HFM1: variants seen among roughly 807,000 people sequenced by gnomAD.
HFM1 encodes the protein probable ATP-dependent DNA helicase HFM1.
In HFM1, 169 loss-of-function variants were observed where a neutral mutation model predicts 192.1. The observed-to-expected ratio is 0.88, with a 90% confidence interval of 0.78 to 1.00. The LOEUF (loss-of-function observed/expected upper bound fraction) is 1.00. Among genes scored for constraint, HFM1 ranks in the 50% least tolerant of loss-of-function variants. The pLI, the probability that HFM1 is intolerant of heterozygous loss-of-function variation, is 0.00. For synonymous variants in HFM1, 525 were observed against 537.8 expected (o/e 0.98, Z 0.33); for missense variants, 1,661 against 1,668.0 (o/e 1.00, Z 0.07).
intron 35 of HFM1, among the ~76,000 whole-genome samples, chr1:91,267,224 G>T (rs1570715994): frequency 6.6e-6 from 1 of 152,024 alleles, no homozygotes; most frequent in South Asian, 2.1e-4. Context: ...GATTTAAATA[G>T]AATTTCTAGT....
In HFM1 at chr1:91,291,998, A is replaced by G. The variant is rs1475029548; in HGVS notation, c.3392-14936T>C. Among the ~76,000 whole-genome samples, 5 of 152,322 alleles carry G rather than the reference A, an allele frequency of 3.3e-5. No individual in the cohort carries two copies. The East Asian group carries it at 9.7e-4, about 29-fold the overall frequency. ...CAGAAAAGGTCTTTGACAAAATTCA[A>G]CAACACTTCATGCTAAAAACTCTCA... On this transcript the variant is annotated intron_variant, in intron 30 of 38. Coordinates refer to ENST00000370425, the MANE Select transcript of HFM1 (RefSeq NM_001017975.6).
chr1:91,280,330 A>G (rs994199290), intron 30 of HFM1, among the ~76,000 whole-genome samples: 1 of 152,202 alleles, frequency 6.6e-6, no homozygotes, highest in Non-Finnish European at 1.5e-5. Flanking sequence ...CATTGGGGAA[A>G]CTGAAAGGTC....
At chr1:91,351,347 T>C (rs1156793817) in intron 17 of HFM1, among the ~76,000 whole-genome samples, 8 of 151,912 alleles carry the variant, frequency 5.3e-5, no homozygotes, top group African/African-American at 1.9e-4. Flanking sequence ...TGCCAAGAAA[T>C]ACCACTGAAT....
chr1:91,299,270 C>A (rs577320187), intron 30 of HFM1, among the ~76,000 whole-genome samples: 22 of 152,158 alleles, frequency 1.4e-4, no homozygotes, highest in Non-Finnish European at 3.1e-4. Flanking sequence ...ACAGGAGCAC[C>A]CAGATTCATA....
chr1:91,276,134 C>T (rs575647971), intron 32 of HFM1, among the ~76,000 whole-genome samples: 1 of 152,266 alleles, frequency 6.6e-6, no homozygotes, highest in East Asian at 1.9e-4. Context: ...ATTTAGCTAT[C>T]CCTTCCTACG....
chr1:91,382,000 A>C (rs1301936964), intron 6 of HFM1, among the ~76,000 whole-genome samples: 1 of 151,982 alleles, frequency 6.6e-6, no homozygotes, highest in Non-Finnish European at 1.5e-5. Context: ...CCCTCCCCGC[A>C]TCAGCCCCTG....
At chr1:91,363,407 C>CAT (rs33921503) in intron 13 of HFM1, among the ~76,000 whole-genome samples, 151,873 of 152,072 alleles carry the variant, frequency 1, 75,837 homozygotes, top group Non-Finnish European at 1. Context: ...AGATGACACA[C>CAT]GTGGCCAACC....
At chr1:91,282,119 C>T (rs370500736) in intron 30 of HFM1, among the ~76,000 whole-genome samples, 1 of 152,086 alleles carries the variant, frequency 6.6e-6, no homozygotes, top group Non-Finnish European at 1.5e-5. Context: ...GTTCTGAAAA[C>T]GTTTCTCAAA....
chr1:91,293,168 A>G (rs1210015983), intron 30 of HFM1, among the ~76,000 whole-genome samples: 2 of 152,202 alleles, frequency 1.3e-5, no homozygotes, highest in Admixed American at 6.6e-5. Context: ...CTAAAACACC[A>G]AAAGCAATGG....
intron 20 of HFM1, among the ~76,000 whole-genome samples, chr1:91,339,778 A>G (rs1655083310): frequency 1.3e-5 from 2 of 152,174 alleles, no homozygotes; most frequent in Admixed American, 6.5e-5. Flanking sequence ...AGGGGTCAAC[A>G]TTCAAATTCA....
intron 30 of HFM1, among the ~76,000 whole-genome samples, chr1:91,277,478 C>G (rs1334853428): frequency 1.4e-5 from 2 of 144,162 alleles, no homozygotes; most frequent in Non-Finnish European, 3.0e-5. Flanking sequence ...CTCAACCTCC[C>G]TGGTGTGTGT....
intron 30 of HFM1, among the ~76,000 whole-genome samples, chr1:91,277,694 A>G (rs1383933526): frequency 7.9e-6 from 1 of 125,810 alleles, no homozygotes; most frequent in Non-Finnish European, 1.6e-5. Flanking sequence ...AATATATACT[A>G]ATATATATTA....
intron 13 of HFM1, among the ~76,000 whole-genome samples, chr1:91,359,438 A>G (rs867304819): frequency 4.6e-5 from 7 of 152,306 alleles, no homozygotes; most frequent in African/African-American, 1.7e-4. Flanking sequence ...GAGAAACACA[A>G]CACGAGAACT....
chr1:91,377,958 G>A (rs1661095360), intron 11 of HFM1, 67 bp downstream of exon 11: 1 of 1,411,280 alleles, frequency 7.1e-7, no homozygotes. Flanking sequence ...TTTTCTCTAT[G>A]ATCAAGATGA....
chr1:91,319,949 C>G (rs900597827), intron 23 of HFM1, among the ~76,000 whole-genome samples: 1 of 152,198 alleles, frequency 6.6e-6, no homozygotes, highest in Admixed American at 6.5e-5. Context: ...AAACCAGCAG[C>G]TGCTGGGCTA....
intron 30 of HFM1, among the ~76,000 whole-genome samples, chr1:91,281,881 T>C (rs755004693): frequency 1.3e-5 from 2 of 152,186 alleles, no homozygotes; most frequent in Non-Finnish European, 2.9e-5. Flanking sequence ...CACAAACCAC[T>C]GTGCCTGGCT....
upstream of HFM1, among the ~76,000 whole-genome samples, chr1:91,406,562 G>T (rs910077728): frequency 5.3e-5 from 8 of 152,148 alleles, no homozygotes; most frequent in Non-Finnish European, 8.8e-5. Flanking sequence ...TCCCATTTTG[G>T]GGGGAGGGAT....
At chr1:91,333,086 A>G (rs998129163) in intron 20 of HFM1, among the ~76,000 whole-genome samples, 1 of 152,240 alleles carries the variant, frequency 6.6e-6, no homozygotes, top group Non-Finnish European at 1.5e-5. Flanking sequence ...ATGATCCAGC[A>G]ATCCCACTGC....
At chr1:91,351,084 G>A (rs923754569) in intron 17 of HFM1, among the ~76,000 whole-genome samples, 12 of 151,912 alleles carry the variant, frequency 7.9e-5, no homozygotes, top group Admixed American at 5.9e-4. Flanking sequence ...TAGAAGACAG[G>A]TTATTGCTTT....
Sources: allele counts gnomAD v4.1 joint callset (sites outside exome capture counted in the v4.1 genomes callset), GRCh38; gene constraint gnomAD v4.1.1; transcripts MANE v1.5; gene names NCBI Gene and HGNC (gene_info 2026-07-23, HGNC 2026-07-21).